Variants in WAS observed in about 807,000 individuals in gnomAD.
The protein encoded by WAS is WASP actin nucleation promoting factor, also known as actin nucleation-promoting factor WAS.
Under a neutral mutation model 38.9 loss-of-function variants are expected in WAS, and 1 was observed. That is an observed-to-expected ratio of 0.03 (90% CI 0.01 to 0.12). WAS has a LOEUF of 0.12. Ranked by LOEUF, WAS falls within the 10% of genes least tolerant of loss-of-function variation. The pLI is 1.00. For missense variants in WAS, 311 were observed against 431.2 expected, an observed-to-expected ratio of 0.72 and a Z score of 2.47; for synonymous variants, 182 against 173.6, an observed-to-expected ratio of 1.05 and a Z score of -0.38.
In WAS at chrX:48,688,936, C is replaced by T. The variant is rs782666797; in HGVS notation, c.1208C>T (p.Pro403Leu). Residue 403 changes from proline (P) to leucine (L), a missense_variant, in exon 10 of 12, where the codon CCG (proline) becomes CTG (leucine). By Grantham distance (98) the Pro-to-Leu change is moderately conservative. Around this residue, in one of 4 missense-constraint regions of WAS, gnomAD observed 142 missense variants for 157.6 expected, o/e 0.90. Transcript: ENST00000376701. ...MPPPPPPPPP[P>L]PSSGNGPAPP... is the part of the protein sequence containing the mutation. The stretch of plus-strand genomic sequence containing the variant: ...CCACCACCGCCACCACCGCCACCGC[C>T]GCCCAGCTCCGGGAATGGACCAGCC... The T allele has an allele frequency of 5.1e-5, 59 of 1,161,662 alleles. No individual in the cohort carries two copies. The highest frequency in any genetic ancestry group is 6.7e-5 in the Non-Finnish European group (58 of 870,866).
intron 10 of WAS, 65 bp from the exon 11 acceptor site, chrX:48,689,255 G>A: frequency 9.8e-7 from 1 of 1,023,821 alleles, no homozygotes; most frequent in Middle Eastern, 3.2e-4. Context: ...TATTGATGGA[G>A]GGGCGGGGAG....
At chrX:48,684,025 T>TTTC in intron 1 of WAS, 40 bp downstream of exon 1, 1 of 1,096,076 alleles carries the variant, frequency 9.1e-7, no homozygotes, top group Non-Finnish European at 1.2e-6. Flanking sequence ...GTCCCCACCG[T>TTTC]TTCTTCCTCT....
upstream of WAS, among the ~76,000 whole-genome samples, chrX:48,678,880 C>G: frequency 9.0e-6 from 1 of 110,735 alleles, no homozygotes. Context: ...AATAAACCAG[C>G]TCCAAATTAT....
Position 48,688,039 on chromosome X carries a change from C to T in WAS, c.735-15C>T, listed in dbSNP as rs1411895983. 5 of 1,202,702 alleles carry T rather than the reference C, an allele frequency of 4.2e-6. No homozygotes were observed. Among genetic ancestry groups the T allele is most frequent in the Non-Finnish European group, 4.5e-6 (4 of 891,222 alleles). ...GGGCAGTGAGGATTCACTGGAGTCT[C>T]TTCACCTCTCCCAGGCATGTCAGCC... On this transcript the variant is annotated splice_polypyrimidine_tract_variant and intron_variant, in intron 7 of 11. Transcript: ENST00000376701.
At position 48,691,128 on chromosome X, in the gene WAS, G is replaced by A. The variant is rs2062438493; in HGVS notation, c.1475G>A (p.Gly492Asp). ...HSSDEGEDQA[G>D]DEDEDDEWDD ...CCAGACGAAGGGGAGGACCAGGCTG[G>A]CGATGAAGATGAAGATGATGAATGG... The change falls in exon 12 of 12, where the codon GGC (glycine) becomes GAC (aspartate). Residue 492 changes from glycine (G) to aspartate (D), a missense_variant. Transcript: ENST00000376701. The A allele has an allele frequency of 8.3e-7, 1 of 1,210,687 alleles. No homozygotes were observed. The highest frequency in any genetic ancestry group is 1.7e-5 in the African/African-American group (1 of 57,416).
intron 10 of WAS, 62 bp from the exon 11 acceptor site, chrX:48,689,258 G>A (rs1602179932): frequency 1.9e-6 from 2 of 1,030,682 alleles, no homozygotes; most frequent in African/African-American, 1.9e-5. Context: ...TGATGGAGGG[G>A]CGGGGAGAAA....
upstream of WAS, among the ~76,000 whole-genome samples, chrX:48,681,339 T>C (rs1238652035): frequency 1.8e-5 from 2 of 110,948 alleles, no homozygotes; most frequent in Non-Finnish European, 3.8e-5. Context: ...CCAGGGTAAT[T>C]TTTGTATTTT....
In WAS at chrX:48,691,273, T is replaced by C; in HGVS notation, c.*111T>C. The C allele has an allele frequency of 1.6e-5, 12 of 732,885 alleles. No individual in the cohort carries two copies. Among genetic ancestry groups the C allele is most frequent in the Non-Finnish European group, 2.1e-5 (10 of 479,121 alleles). 60.4% of individuals were successfully genotyped at this position (732,885 alleles called of 1,213,427 possible). Reference sequence around the variant, plus strand: ...TCTTCCAGGCCCCCAACCCCCCATTTCTTCCCCACCAACCCCTCCAATGCT... The same window carrying C: ...TCTTCCAGGCCCCCAACCCCCCATTCCTTCCCCACCAACCCCTCCAATGCT... On this transcript the variant is annotated 3_prime_UTR_variant, in exon 12 of 12. Transcript: ENST00000376701.
At chrX:48,688,033 G>C (rs1557006969) in intron 7 of WAS, 21 bp from the exon 8 acceptor site, 10 of 1,202,807 alleles carry the variant, frequency 8.3e-6, no homozygotes, top group Non-Finnish European at 9.0e-6. Flanking sequence ...GGATTCACTG[G>C]AGTCTCTTCA....
rs782056506 is a variant in WAS, at chrX:48,684,264, C to G, written c.133-19C>G. 2.1e-5 allele frequency: 26 copies of G among 1,209,505 alleles called. No individual in the cohort carries two copies. Among genetic ancestry groups the G allele is most frequent in the Non-Finnish European group, 2.9e-5 (26 of 895,108 alleles). ...CTACCCCTGACCAGACTCCACTGAC[C>G]CCTGCTTTCCTCTCCCAGACGCTGG... is the stretch of plus-strand genomic sequence containing the variant. On this transcript the variant is annotated intron_variant, in intron 1 of 11. Coordinates refer to ENST00000376701, the MANE Select transcript of WAS (RefSeq NM_000377.3).
At position 48,691,244 on chromosome X, in the gene WAS, C is replaced by A; in HGVS notation, c.*82C>A. On this transcript the variant is annotated 3_prime_UTR_variant, in exon 12 of 12. Coordinates refer to ENST00000376701, the MANE Select transcript of WAS (RefSeq NM_000377.3). ...ACCTGCTCTGTGCCCACCCTCCACT[C>A]TCCTCTTCCAGGCCCCCAACCCCCC... 1 of 997,593 alleles carries A rather than the reference C, an allele frequency of 1.0e-6. No individual in the cohort carries two copies. Among genetic ancestry groups the A allele is most frequent in the Non-Finnish European group, 1.4e-6 (1 of 707,618 alleles). The allele number at this position is 997,593 out of a possible 1,213,427, so 82.2% of individuals were successfully genotyped here.
Position 48,684,415 on chromosome X carries a change from G to A in WAS, c.265G>A (p.Gly89Ser), listed in dbSNP as rs782405509. Residue 89 changes from glycine to serine, a missense_variant, in exon 2 of 12, where the codon GGC (glycine) becomes AGC (serine). Around this residue, in one of 4 missense-constraint regions of WAS, gnomAD observed 64 missense variants for 122.5 expected, o/e 0.52. Transcript: ENST00000376701. ...GAAGTCCTACTTCATCCGCCTTTAC[G>A]GCCTTCAGGTGACCCCCCCACCCCC... is the stretch of plus-strand genomic sequence containing the variant. Reference protein sequence around the residue: ...PQKSYFIRLYGLQAGRLLWEQ... With the variant: ...PQKSYFIRLYSLQAGRLLWEQ... 14 of 1,207,144 alleles carry A rather than the reference G, an allele frequency of 1.2e-5. No homozygotes were observed. The highest frequency in any genetic ancestry group is 1.6e-5 in the Non-Finnish European group (14 of 893,596).
rs144372473 is a variant in WAS, at chrX:48,683,883, C to A, written c.30C>A (p.Pro10=). 5 of 1,209,437 alleles carry A rather than the reference C, an allele frequency of 4.1e-6. No homozygotes were observed. The African/African-American group carries it at 8.8e-5, about 21-fold the overall frequency. ...GTGGGGGCCCAATGGGAGGAAGGCC[C>A]GGGGGCCGAGGAGCACCAGCGGTTC... is the stretch of plus-strand genomic sequence containing the variant. MSGGPMGGR[P]GGRGAPAVQQ... The change falls in exon 1 of 12, where the codon CCC becomes CCA. Residue 10 remains proline (P), a synonymous_variant. Transcript: ENST00000376701.
upstream of WAS, among the ~76,000 whole-genome samples, chrX:48,681,464 C>T (rs892237905): frequency 1.3e-4 from 15 of 112,286 alleles, no homozygotes; most frequent in African/African-American, 4.2e-4. Context: ...CCACCGCACC[C>T]GGCCAGTAGT....
Position 48,685,650 on chromosome X carries a change from C to A in WAS, c.360+17C>A. On this transcript the variant is annotated intron_variant, in intron 3 of 11. Coordinates refer to ENST00000376701, the MANE Select transcript of WAS (RefSeq NM_000377.3). ...GCTGGAGATGTAAGTGATCAACCAG[C>A]CCTCGGGCCTCACTTGGGGTGTGGA... The A allele has an allele frequency of 8.4e-7, 1 of 1,185,176 alleles. No individual in the cohort carries two copies. The highest frequency in any genetic ancestry group is 3.1e-5 in the East Asian group (1 of 32,076).
chrX:48,688,513 G>A (rs987210333), intron 9 of WAS, 60 bp downstream of exon 9: 62 of 1,200,562 alleles, frequency 5.2e-5, no homozygotes, highest in Middle Eastern at 2.4e-4. Flanking sequence ...GCTAAGATAC[G>A]CACTAAGTCA....
Position 48,688,898 on chromosome X carries a change from GCCA to G in WAS, c.1173_1175del (p.Pro392del). 9 of 1,164,182 alleles carry G rather than the reference GCCA, an allele frequency of 7.7e-6. No homozygotes were observed. The highest frequency in any genetic ancestry group is 1.0e-5 in the Non-Finnish European group (9 of 871,294). ...CCCCTCCACCCCCTGGAGCTGGTGG[GCCA>G]CCCATGCCACCACCACCGCCACCAC... On this transcript the variant is annotated inframe_deletion, in exon 10 of 12. Transcript: ENST00000376701.
At chrX:48,687,642 T>C (rs1386141420) in intron 7 of WAS, among the ~76,000 whole-genome samples, 1 of 109,784 alleles carries the variant, frequency 9.1e-6, no homozygotes, top group Non-Finnish European at 1.9e-5. Flanking sequence ...GGTAGAAAAA[T>C]GAGTGGATGG....
At position 48,683,888 on chromosome X, in the gene WAS, G is replaced by C. The variant is rs781942437; in HGVS notation, c.35G>C (p.Gly12Ala). Residue 12 changes from glycine (G) to alanine (A), a missense_variant, in exon 1 of 12, where the codon GGC (glycine) becomes GCC (alanine). By Grantham distance (60) the Gly-to-Ala change is moderately conservative. Transcript: ENST00000376701. ...SGGPMGGRPG[G>A]RGAPAVQQNI... ...GGCCCAATGGGAGGAAGGCCCGGGG[G>C]CCGAGGAGCACCAGCGGTTCAGCAG... 10 of 1,209,673 alleles carry C rather than the reference G, an allele frequency of 8.3e-6. No individual in the cohort carries two copies. The East Asian group carries it at 3.0e-4, about 36-fold the overall frequency.
Sources: gnomAD v4.1 joint callset for allele counts (sites outside exome capture counted in the v4.1 genomes callset) on GRCh38, gnomAD v4.1.1 for gene constraint, gnomAD v4.1.1 regional missense constraint, MANE v1.5 for transcripts, NCBI Gene and HGNC (gene_info 2026-07-23, HGNC 2026-07-21) for gene names.